The following FAM107B variants were observed in gnomAD, a reference collection of about 807,000 sequenced individuals.
FAM107B encodes the protein protein FAM107B.
Under a neutral mutation model 31.5 loss-of-function variants are expected in FAM107B, and 21 were observed. The ratio of observed to expected loss-of-function variants is 0.67; its 90% CI spans 0.47 to 0.96. The LOEUF (loss-of-function observed/expected upper bound fraction) is 0.96, where lower values mean the gene tolerates loss of function less well. Ranked by LOEUF, FAM107B falls within the 40% of genes least tolerant of loss-of-function variation. FAM107B has a pLI of 0.00. For missense variants in FAM107B, 452 were observed against 377.1 expected (o/e 1.20, Z -1.64); for synonymous variants, 157 against 141.5 (o/e 1.11, Z -0.78).
At chr10:14,641,334 GT>G (rs762333269) in intron 2 of FAM107B, among the ~76,000 whole-genome samples, 40 of 152,282 alleles carry the variant, frequency 2.6e-4, no homozygotes, top group Admixed American at 1.2e-3. Flanking sequence ...GCCAACATTG[GT>G]TTGCTGCATT....
chr10:14,723,256 C>G (rs1855955009), intron 1 of FAM107B: 1 of 534,156 alleles, frequency 1.9e-6, no homozygotes, highest in African/African-American at 1.9e-5. Flanking sequence ...GCCGAGCACT[C>G]CAGTCTTCAG....
At chr10:14,730,906 G>C (rs1438419753) in intron 1 of FAM107B, among the ~76,000 whole-genome samples, 1 of 152,104 alleles carries the variant, frequency 6.6e-6, no homozygotes, top group East Asian at 1.9e-4. Context: ...ACAGATTTTA[G>C]AGATGCAGGG....
At chr10:14,573,919 A>C (rs965973526) in intron 2 of FAM107B, among the ~76,000 whole-genome samples, 4 of 147,374 alleles carry the variant, frequency 2.7e-5, no homozygotes, top group South Asian at 2.2e-4. Context: ...AAACAAACAA[A>C]AAAAAAAAAC....
rs112879378 is a variant in FAM107B at position 14,581,212 on chromosome 10, G to A, written c.470-50697C>T. On this transcript the variant is annotated intron_variant, in intron 2 of 4. Coordinates refer to ENST00000181796, the MANE Select transcript of FAM107B (RefSeq NM_031453.4). ...AAGAGAGCGTTGCGCGTCAGATGTC[G>A]CATTTATAAAGGGTGGCCCGGAGGC... Among the ~76,000 whole-genome samples, 807 of 152,284 alleles carry A rather than the reference G, an allele frequency of 5.3e-3. 2 individuals carry two copies. The highest frequency in any genetic ancestry group is 8.4e-3 in the Non-Finnish European group (571 of 68,026).
At chr10:14,536,620 C>A (rs1247010043) in intron 2 of FAM107B, among the ~76,000 whole-genome samples, 1 of 152,174 alleles carries the variant, frequency 6.6e-6, no homozygotes, top group African/African-American at 2.4e-5. Context: ...CTTGCCTGGC[C>A]CTAAGGCAAA....
intron 1 of FAM107B, among the ~76,000 whole-genome samples, chr10:14,757,087 T>C (rs1364532490): frequency 1.3e-5 from 2 of 152,160 alleles, no homozygotes; most frequent in African/African-American, 4.8e-5. Flanking sequence ...AAATAGTCTC[T>C]ACAACAAACC....
chr10:14,697,598 C>A (rs1311368914), intron 1 of FAM107B, among the ~76,000 whole-genome samples: 2 of 152,330 alleles, frequency 1.3e-5, no homozygotes, highest in South Asian at 2.1e-4. Flanking sequence ...AAAGACTTTA[C>A]CTCTAGGACA....
intron 2 of FAM107B, among the ~76,000 whole-genome samples, chr10:14,576,405 T>C (rs559624624): frequency 1.3e-5 from 2 of 152,264 alleles, no homozygotes; most frequent in Admixed American, 1.3e-4. Flanking sequence ...TGGGCACCTG[T>C]CATCCCAGCT....
At chr10:14,605,346 G>A (rs1193024087) in intron 2 of FAM107B, among the ~76,000 whole-genome samples, 1 of 150,530 alleles carries the variant, frequency 6.6e-6, no homozygotes, top group African/African-American at 2.4e-5. Flanking sequence ...ATCACAGCAG[G>A]TACAAAATCA....
At position 14,706,382 on chromosome 10, in the gene FAM107B, C is replaced by T. The variant is rs192648172; in HGVS notation, c.412-38691G>A. 5.7e-4 allele frequency among the ~76,000 whole-genome samples: 86 copies of T among 152,162 alleles called. 1 individual carries two copies. The highest frequency in any genetic ancestry group is 5.6e-3 in the Admixed American group (86 of 15,278). ...AGCTGGCACTACCAGAACACACCAC[C>T]ATGCCTGGCTAATTTTAAATTTTTT... On this transcript the variant is annotated intron_variant, in intron 1 of 4. Coordinates refer to ENST00000181796, the MANE Select transcript of FAM107B (RefSeq NM_031453.4).
At chr10:14,773,205 C>A (rs1833345817) in intron 1 of FAM107B, among the ~76,000 whole-genome samples, 1 of 152,178 alleles carries the variant, frequency 6.6e-6, no homozygotes, top group South Asian at 2.1e-4. Flanking sequence ...AAGCTTCAGT[C>A]ATTTCATATA....
intron 2 of FAM107B, among the ~76,000 whole-genome samples, chr10:14,646,585 T>C (rs186494391): frequency 1.8e-4 from 27 of 152,270 alleles, no homozygotes; most frequent in Non-Finnish European, 3.2e-4. Flanking sequence ...GATGGGCACT[T>C]AGGTTGATTG....
chr10:14,767,020 G>GTATATATATATATATATATATA, intron 1 of FAM107B, among the ~76,000 whole-genome samples: 1 of 30,412 alleles, frequency 3.3e-5, no homozygotes, highest in South Asian at 2.4e-3. Flanking sequence ...TCCCTGATGT[G>GTATATATATATATATATATATA]TATGTATATA....
Position 14,530,367 on chromosome 10 carries a change from T to G in FAM107B, c.618A>C (p.Gln206His). The change falls in exon 3 of 5, where the codon CAA becomes CAC. Residue 206 changes from glutamine to histidine, a missense_variant. Physicochemically the swap from Gln to His is conservative, Grantham distance 24. Transcript: ENST00000181796. ...TCATAAGAAGTTCTCTGTGAAGATC[T>G]TGATGGTTCCGGGAGGTTTTTACAG... ...INPVKTSRNH[Q>H]DLHRELLMNQ... is the part of the protein sequence containing the mutation. 4 of 1,613,990 alleles carry G rather than the reference T, an allele frequency of 2.5e-6. No homozygotes were observed. In the South Asian group the frequency reaches 4.4e-5, roughly 18 times the overall value.
intron 2 of FAM107B, among the ~76,000 whole-genome samples, chr10:14,603,168 A>G (rs1852460112): frequency 6.6e-6 from 1 of 152,160 alleles, no homozygotes. Flanking sequence ...TTTCTCATGA[A>G]AAGTTTTAAA....
At chr10:14,540,978 G>A (rs187814101) in intron 2 of FAM107B, among the ~76,000 whole-genome samples, 11 of 152,222 alleles carry the variant, frequency 7.2e-5, no homozygotes, top group Admixed American at 2.0e-4. Flanking sequence ...CAACAGAGAC[G>A]ACAGCACACA....
intron 2 of FAM107B, among the ~76,000 whole-genome samples, chr10:14,627,116 T>C (rs569217984): frequency 3.2e-4 from 48 of 152,314 alleles, no homozygotes; most frequent in Non-Finnish European, 4.9e-4. Context: ...ACCTAGTTCC[T>C]GCTAGGCACC....
chr10:14,584,247 T>A (rs556466648), intron 2 of FAM107B, among the ~76,000 whole-genome samples: 1 of 152,086 alleles, frequency 6.6e-6, no homozygotes. Flanking sequence ...TTAAGCCCTA[T>A]AGGACCCTAA....
At chr10:14,771,560 TA>T (rs1329599274) in intron 1 of FAM107B, among the ~76,000 whole-genome samples, 1 of 151,790 alleles carries the variant, frequency 6.6e-6, no homozygotes, top group Non-Finnish European at 1.5e-5. Flanking sequence ...TACACATTTA[TA>T]CATGTATACA....
Sources: allele counts gnomAD v4.1 joint callset (sites outside exome capture counted in the v4.1 genomes callset), GRCh38; gene constraint gnomAD v4.1.1; transcripts MANE v1.5; gene names NCBI Gene and HGNC (gene_info 2026-07-23, HGNC 2026-07-21).